JAZF1: variants seen among roughly 807,000 people sequenced by gnomAD.
JAZF1 encodes JAZF zinc finger 1, also known as juxtaposed with another zinc finger protein 1.
Under a neutral mutation model 26.4 loss-of-function variants are expected in JAZF1, and 8 were observed. That is an observed-to-expected ratio of 0.30 (90% CI 0.18 to 0.55). The LOEUF is 0.55. Among genes scored for constraint, JAZF1 ranks in the 20% least tolerant of loss-of-function variants. The pLI, the probability that JAZF1 is intolerant of heterozygous loss-of-function variation, is 0.94. For missense variants in JAZF1, 199 were observed against 322.0 expected (o/e 0.62, Z 2.92); for synonymous variants, 126 against 122.3 (o/e 1.03, Z -0.20).
At chr7:28,143,171 C>A (rs958490556) in intron 1 of JAZF1, among the ~76,000 whole-genome samples, 1 of 152,170 alleles carries the variant, frequency 6.6e-6, no homozygotes, top group Non-Finnish European at 1.5e-5. Flanking sequence ...GACTCAAACA[C>A]TTCTACTTCC....
At chr7:28,139,168 G>A (rs1782927806) in intron 1 of JAZF1, among the ~76,000 whole-genome samples, 1 of 152,128 alleles carries the variant, frequency 6.6e-6, no homozygotes, top group South Asian at 2.1e-4. Flanking sequence ...GTCAGTGCCT[G>A]AAGACCTCAA....
At chr7:27,867,529 C>A (rs182849950) in intron 3 of JAZF1, among the ~76,000 whole-genome samples, 95 of 152,334 alleles carry the variant, frequency 6.2e-4, no homozygotes, top group Admixed American at 3.0e-3. Context: ...GGCTTCCTAA[C>A]AGGGCAGCTT....
intron 2 of JAZF1, among the ~76,000 whole-genome samples, chr7:27,901,158 C>G (rs1203464363): frequency 6.6e-6 from 1 of 152,144 alleles, no homozygotes. Context: ...TCAGGCAAAG[C>G]AGTGTTTTCA....
intron 1 of JAZF1, among the ~76,000 whole-genome samples, chr7:28,086,035 T>C (rs961558585): frequency 6.6e-6 from 1 of 152,222 alleles, no homozygotes; most frequent in Non-Finnish European, 1.5e-5. Context: ...TATGTATCCA[T>C]ATGCCTAACC....
At chr7:27,914,238 T>C (rs990478605) in intron 2 of JAZF1, among the ~76,000 whole-genome samples, 4 of 152,076 alleles carry the variant, frequency 2.6e-5, no homozygotes, top group Non-Finnish European at 1.5e-5. Flanking sequence ...ATTTCACAAG[T>C]AGTTATGGAG....
intron 2 of JAZF1, among the ~76,000 whole-genome samples, chr7:27,966,931 T>C (rs1013575873): frequency 1.4e-4 from 22 of 152,238 alleles, no homozygotes; most frequent in African/African-American, 5.1e-4. Flanking sequence ...AAGAAACTGA[T>C]GGGGGCATCC....
At chr7:27,914,780 G>C (rs1784417316) in intron 2 of JAZF1, 1 of 471,042 alleles carries the variant, frequency 2.1e-6, no homozygotes, top group African/African-American at 2.0e-5. Context: ...GATCGGTTCA[G>C]CCTTGACTCC....
At chr7:27,898,744 T>A (rs1275405138) in intron 2 of JAZF1, among the ~76,000 whole-genome samples, 1 of 152,196 alleles carries the variant, frequency 6.6e-6, no homozygotes, top group Non-Finnish European at 1.5e-5. Flanking sequence ...TCTTCTATAG[T>A]GCTTTCTAGA....
chr7:28,042,927 T>C (rs1473052717), intron 1 of JAZF1, among the ~76,000 whole-genome samples: 3 of 152,186 alleles, frequency 2.0e-5, no homozygotes, highest in African/African-American at 4.8e-5. Context: ...TCTCAGAACA[T>C]AGTTTCTCAG....
At chr7:28,125,485 C>T (rs1299150971) in intron 1 of JAZF1, among the ~76,000 whole-genome samples, 2 of 152,238 alleles carry the variant, frequency 1.3e-5, no homozygotes, top group East Asian at 3.9e-4. Flanking sequence ...CTAGCAACAG[C>T]GGGGCTAAAA....
intron 1 of JAZF1, among the ~76,000 whole-genome samples, chr7:28,085,589 G>A (rs1784200942): frequency 1.3e-5 from 2 of 152,068 alleles, no homozygotes; most frequent in South Asian, 4.1e-4. Flanking sequence ...TTATGACCAC[G>A]TTATAAACCC....
chr7:28,114,676 G>A (rs924327516), intron 1 of JAZF1, among the ~76,000 whole-genome samples: 2 of 150,366 alleles, frequency 1.3e-5, no homozygotes, highest in Non-Finnish European at 3.0e-5. Context: ...AACATGACAT[G>A]GGTTCTGCCC....
intron 1 of JAZF1, among the ~76,000 whole-genome samples, chr7:28,061,633 C>T (rs977367278): frequency 6.6e-6 from 1 of 152,284 alleles, no homozygotes; most frequent in African/African-American, 2.4e-5. Flanking sequence ...CTTTGTTAAA[C>T]GTGATTATCC....
At chr7:27,922,584 ATAACT>A (rs1171381356) in intron 2 of JAZF1, among the ~76,000 whole-genome samples, 6 of 152,296 alleles carry the variant, frequency 3.9e-5, no homozygotes, top group African/African-American at 4.8e-5. Flanking sequence ...AAATAACCAA[ATAACT>A]TAAAGTCAGC....
rs576361317 is a variant in JAZF1 at position 28,117,924 on chromosome 7, A to G, written c.115+62539T>C. 8.0e-4 allele frequency among the ~76,000 whole-genome samples: 122 copies of G among 152,308 alleles called. No homozygotes were observed. The Middle Eastern group carries it at 0.01, about 13-fold the overall frequency. ...TTTAAAAAGCAAGCAATACAACACA[A>G]TTAAAGTCTGGCAAAACTCACAGAA... On this transcript the variant is annotated intron_variant, in intron 1 of 4. Coordinates refer to ENST00000283928, the MANE Select transcript of JAZF1 (RefSeq NM_175061.4).
chr7:28,158,125 G>A (rs1195236239), intron 1 of JAZF1, among the ~76,000 whole-genome samples: 6 of 150,246 alleles, frequency 4.0e-5, no homozygotes, highest in African/African-American at 1.5e-4. Flanking sequence ...TAGGGAGAAA[G>A]GAGACCACAT....
At chr7:28,031,209 C>T (rs976773172) in intron 1 of JAZF1, among the ~76,000 whole-genome samples, 5 of 152,034 alleles carry the variant, frequency 3.3e-5, no homozygotes, top group African/African-American at 1.2e-4. Flanking sequence ...AAGAAGTCAC[C>T]CTTAGGTCTT....
chr7:28,029,657 C>T (rs1783152264), intron 1 of JAZF1, among the ~76,000 whole-genome samples: 1 of 152,164 alleles, frequency 6.6e-6, no homozygotes, highest in Non-Finnish European at 1.5e-5. Flanking sequence ...AGTATTGAGG[C>T]AACAGAGATA....
chr7:27,893,603 C>T (rs1784011485), intron 3 of JAZF1, among the ~76,000 whole-genome samples: 1 of 152,204 alleles, frequency 6.6e-6, no homozygotes, highest in African/African-American at 2.4e-5. Flanking sequence ...CAAAGGAAGC[C>T]TTTCCTGACT....
Sources: allele counts gnomAD v4.1 joint callset (sites outside exome capture counted in the v4.1 genomes callset), GRCh38; gene constraint gnomAD v4.1.1; transcripts MANE v1.5; gene names NCBI Gene and HGNC (gene_info 2026-07-23, HGNC 2026-07-21).